The following SPATA16 variants were observed in gnomAD, a reference collection of about 807,000 sequenced individuals.
The protein encoded by SPATA16 is spermatogenesis associated 16, also known as spermatogenesis-associated protein 16.
In SPATA16, 36 loss-of-function variants were observed where a neutral mutation model predicts 63.3. The observed-to-expected ratio is 0.57, with a 90% CI of 0.44 to 0.75. The LOEUF is 0.75. Among genes scored for constraint, SPATA16 ranks in the 30% least tolerant of loss-of-function variants. SPATA16 has a pLI of 0.00. For synonymous variants in SPATA16, 203 were observed against 216.7 expected (o/e 0.94, Z 0.56); for missense variants, 646 against 679.3 (o/e 0.95, Z 0.54).
At chr3:173,024,552 T>C (rs1735408272) in intron 3 of SPATA16, among the ~76,000 whole-genome samples, 1 of 150,804 alleles carries the variant, frequency 6.6e-6, no homozygotes, top group Non-Finnish European at 1.5e-5. Context: ...GGTATCAAAA[T>C]TAATACAGAA....
intron 2 of SPATA16, among the ~76,000 whole-genome samples, chr3:173,075,156 T>TTA (rs1736767670): frequency 7.2e-6 from 1 of 139,330 alleles, no homozygotes; most frequent in African/African-American, 2.7e-5. Context: ...GTTGAAATTA[T>TTA]AAAAAAAAAA....
At chr3:173,033,337 G>A (rs1212859643) in intron 3 of SPATA16, among the ~76,000 whole-genome samples, 1 of 151,986 alleles carries the variant, frequency 6.6e-6, no homozygotes, top group Non-Finnish European at 1.5e-5. Context: ...AGTCTGTCTG[G>A]TAAAAGCTGT....
At chr3:173,126,764 A>G (rs1738238867) in intron 1 of SPATA16, among the ~76,000 whole-genome samples, 1 of 152,204 alleles carries the variant, frequency 6.6e-6, no homozygotes, top group South Asian at 2.1e-4. Flanking sequence ...TAGTCACATA[A>G]TAAATCAGTG....
At chr3:172,928,631 A>G (rs1356136672) in intron 6 of SPATA16, among the ~76,000 whole-genome samples, 1 of 152,186 alleles carries the variant, frequency 6.6e-6, no homozygotes, top group Non-Finnish European at 1.5e-5. Flanking sequence ...GAGCAATACT[A>G]TTATTGGCAG....
At chr3:172,953,272 A>G (rs995448019) in intron 6 of SPATA16, among the ~76,000 whole-genome samples, 1 of 152,052 alleles carries the variant, frequency 6.6e-6, no homozygotes, top group African/African-American at 2.4e-5. Context: ...CCCCCCTCCC[A>G]CCTCAATCTC....
chr3:173,088,567 AT>A (rs903978926), intron 2 of SPATA16, among the ~76,000 whole-genome samples: 2 of 152,096 alleles, frequency 1.3e-5, no homozygotes, highest in African/African-American at 2.4e-5. Flanking sequence ...ACATAAATGT[AT>A]TTTTTTGTGT....
chr3:173,049,081 C>T lies in SPATA16; in HGVS notation c.626G>A (p.Gly209Glu). ...FRTALELCSK[G>E]AVLGEPFDAP... Reference sequence around the variant, plus strand: ...ATCAAATGGTTCTCCCAGAACTGCTCCTTTGCTGCAAAGCTTTAAAAAATA... The same window carrying T: ...ATCAAATGGTTCTCCCAGAACTGCTTCTTTGCTGCAAAGCTTTAAAAAATA... Residue 209 changes from glycine (G) to glutamate (E), a missense_variant, in exon 3 of 11, where the codon GGA becomes GAA. Coordinates refer to ENST00000351008, the MANE Select transcript of SPATA16 (RefSeq NM_031955.6). 1 of 1,613,204 alleles carries T rather than the reference C, an allele frequency of 6.2e-7. No individual in the cohort carries two copies. Among genetic ancestry groups the T allele is most frequent in the Non-Finnish European group, 8.5e-7 (1 of 1,179,484 alleles).
intron 2 of SPATA16, among the ~76,000 whole-genome samples, chr3:173,056,990 A>AAAAAAGAT (rs1267894330): frequency 7.9e-5 from 12 of 152,032 alleles, no homozygotes; most frequent in African/African-American, 2.4e-4. Context: ...ATTTTGCCTG[A>AAAAAAGAT]AAAAAGATAA....
At chr3:172,978,964 G>A (rs1343249827) in intron 4 of SPATA16, among the ~76,000 whole-genome samples, 9 of 152,314 alleles carry the variant, frequency 5.9e-5, no homozygotes, top group East Asian at 1.9e-4. Context: ...CTGGCCGGGC[G>A]CGTTGGCTCA....
At chr3:172,906,274 T>C (rs1732236293) in intron 10 of SPATA16, among the ~76,000 whole-genome samples, 1 of 152,178 alleles carries the variant, frequency 6.6e-6, no homozygotes, top group African/African-American at 2.4e-5. Context: ...ATCATGCTTC[T>C]CAGAAGGCTA....
chr3:173,019,080 T>A (rs952272712), intron 4 of SPATA16, among the ~76,000 whole-genome samples: 1 of 152,224 alleles, frequency 6.6e-6, no homozygotes, highest in African/African-American at 2.4e-5. Flanking sequence ...ATTTAACTGA[T>A]GCCATCTGCT....
chr3:172,916,353 G>T lies in SPATA16; in HGVS notation c.1467C>A (p.Pro489=), dbSNP rs755176371. The change falls in exon 9 of 11, where the codon CCC becomes CCA. Residue 489 remains proline (P), a synonymous_variant. Coordinates refer to ENST00000351008, the MANE Select transcript of SPATA16 (RefSeq NM_031955.6). ...CCTGTTGACTGATGTCCTGTAGGTA[G>T]GGAATGGTTGCTAGCTCTGCCATTG... is the stretch of plus-strand genomic sequence containing the variant. ...NQAMAELATI[P]YLQDISQQEA... The T allele has an allele frequency of 6.2e-7, 1 of 1,613,544 alleles. No individual in the cohort carries two copies. Among genetic ancestry groups the T allele is most frequent in the Admixed American group, 1.7e-5 (1 of 59,976 alleles).
rs3980195 is a variant in SPATA16, at chr3:173,100,660, GCACACACACACACACA to G, written c.612+16444_612+16459del. 3.8e-3 allele frequency among the ~76,000 whole-genome samples: 508 copies of G among 134,170 alleles called. 4 individuals are homozygous for G. The highest frequency in any genetic ancestry group is 9.5e-3 in the African/African-American group (346 of 36,552). 88.0% of individuals were successfully genotyped at this position (134,170 alleles called of 152,430 possible). ...ATTAAAAGCACAGATCACATAAACA[GCACACACACACACACA>G]CACACACACACACACACACACACAC... On this transcript the variant is annotated intron_variant, in intron 2 of 10. Coordinates refer to ENST00000351008, the MANE Select transcript of SPATA16 (RefSeq NM_031955.6).
chr3:172,896,029 G>T (rs1414130700), intron 10 of SPATA16, among the ~76,000 whole-genome samples: 2 of 151,276 alleles, frequency 1.3e-5, no homozygotes, highest in Non-Finnish European at 1.5e-5. Context: ...GATTGGAAAT[G>T]AAATCAAAGG....
intron 4 of SPATA16, among the ~76,000 whole-genome samples, chr3:172,984,995 G>A (rs1734412162): frequency 6.6e-6 from 1 of 152,152 alleles, no homozygotes; most frequent in Non-Finnish European, 1.5e-5. Flanking sequence ...GCAGAGTTAG[G>A]ATTCAACTAG....
chr3:173,079,559 C>G (rs532532840), intron 2 of SPATA16, among the ~76,000 whole-genome samples: 1 of 151,956 alleles, frequency 6.6e-6, no homozygotes, highest in Non-Finnish European at 1.5e-5. Context: ...TTATCTCCCC[C>G]GTAAGATTTT....
intron 10 of SPATA16, among the ~76,000 whole-genome samples, chr3:172,897,184 G>A (rs1277406972): frequency 6.6e-6 from 1 of 152,112 alleles, no homozygotes; most frequent in Non-Finnish European, 1.5e-5. Context: ...ATGTGTAAAT[G>A]TTCCAGCATC....
At chr3:173,107,454 T>TCTC (rs137955946) in intron 2 of SPATA16, among the ~76,000 whole-genome samples, 3 of 139,010 alleles carry the variant, frequency 2.2e-5, no homozygotes, top group Non-Finnish European at 4.6e-5. Flanking sequence ...TCTCTCTCTC[T>TCTC]ATTTTTTTTT....
chr3:173,116,379 C>G (rs991362880), intron 2 of SPATA16, among the ~76,000 whole-genome samples: 5 of 152,160 alleles, frequency 3.3e-5, no homozygotes, highest in Non-Finnish European at 5.9e-5. Context: ...CACTCATCAA[C>G]AAAGCAAGGC....
Sources: allele counts gnomAD v4.1 joint callset (sites outside exome capture counted in the v4.1 genomes callset), GRCh38; gene constraint gnomAD v4.1.1; transcripts MANE v1.5; gene names NCBI Gene and HGNC (gene_info 2026-07-23, HGNC 2026-07-21).